C10orf90: variants seen among roughly 807,000 people sequenced by gnomAD.
C10orf90 encodes chromosome 10 open reading frame 90, also known as (E2-independent) E3 ubiquitin-conjugating enzyme FATS.
C10orf90 carries 56 observed loss-of-function variants against 62.5 expected under a neutral mutation model. That is an observed-to-expected ratio of 0.90 (90% CI 0.72 to 1.12). The LOEUF is 1.12. C10orf90 is among the 50% of genes most tolerant of loss of function. The probability of loss-of-function intolerance (pLI) is 0.00; values close to 1 mark genes in which losing one functional copy is unlikely to be tolerated. For missense variants in C10orf90, 970 were observed against 880.4 expected, an observed-to-expected ratio of 1.10 and a Z score of -1.29; for synonymous variants, 386 against 340.4, an observed-to-expected ratio of 1.13 and a Z score of -1.47.
chr10:126,628,249 A>C (rs1241790468), intron 2 of C10orf90, among the ~76,000 whole-genome samples: 1 of 152,178 alleles, frequency 6.6e-6, no homozygotes, highest in East Asian at 1.9e-4. Context: ...TGGGATCTCC[A>C]AATGTCCATT....
At chr10:126,609,359 C>T (rs907308974) in intron 2 of C10orf90, among the ~76,000 whole-genome samples, 16 of 152,114 alleles carry the variant, frequency 1.1e-4, no homozygotes, top group African/African-American at 2.9e-4. Flanking sequence ...GCCGAGATCG[C>T]GCCATTGCAC....
chr10:126,515,306 G>A (rs983149675), intron 2 of C10orf90, among the ~76,000 whole-genome samples: 1 of 152,090 alleles, frequency 6.6e-6, no homozygotes, highest in Non-Finnish European at 1.5e-5. Context: ...TACTGTCCTA[G>A]GCCTCCCCAT....
At chr10:126,566,570 C>T (rs764453356) in intron 2 of C10orf90, among the ~76,000 whole-genome samples, 16 of 152,208 alleles carry the variant, frequency 1.1e-4, no homozygotes, top group Middle Eastern at 6.8e-3. Flanking sequence ...AGGAAGCCAC[C>T]GGCAAAGAGA....
At chr10:126,466,761 G>T (rs12219409) in intron 4 of C10orf90, among the ~76,000 whole-genome samples, 26,721 of 152,178 alleles carry the variant, frequency 0.18, 2,483 homozygotes, top group African/African-American at 0.24. Context: ...GTACCTGCAG[G>T]CCCCAGTGTT....
chr10:126,494,674 A>G (rs1000778775), intron 4 of C10orf90, among the ~76,000 whole-genome samples: 2 of 152,224 alleles, frequency 1.3e-5, no homozygotes, highest in Non-Finnish European at 2.9e-5. Flanking sequence ...GTTTCACTCA[A>G]CTGAGGAAAT....
chr10:126,483,770 T>A (rs1861283372), intron 4 of C10orf90, among the ~76,000 whole-genome samples: 1 of 152,190 alleles, frequency 6.6e-6, no homozygotes, highest in South Asian at 2.1e-4. Flanking sequence ...CCTGAAATCT[T>A]TGGTGTGGAT....
At chr10:126,477,297 T>C (rs1033497689) in intron 4 of C10orf90, among the ~76,000 whole-genome samples, 1 of 148,594 alleles carries the variant, frequency 6.7e-6, no homozygotes, top group Non-Finnish European at 1.5e-5. Flanking sequence ...GAATATTCAA[T>C]ATTTTTAAAG....
intron 4 of C10orf90, among the ~76,000 whole-genome samples, chr10:126,484,088 G>C (rs1482227122): frequency 2.0e-5 from 3 of 152,042 alleles, no homozygotes; most frequent in African/African-American, 7.2e-5. Context: ...CTGTCTGTGT[G>C]CATCTTGGGG....
chr10:126,451,334 A>T (rs1343456188), intron 7 of C10orf90, among the ~76,000 whole-genome samples: 2 of 152,186 alleles, frequency 1.3e-5, no homozygotes, highest in Non-Finnish European at 2.9e-5. Context: ...GAATTTATCT[A>T]AAGGAAAAGA....
intron 3 of C10orf90, among the ~76,000 whole-genome samples, chr10:126,512,908 G>A (rs1231605679): frequency 6.6e-6 from 1 of 152,210 alleles, no homozygotes; most frequent in Non-Finnish European, 1.5e-5. Context: ...TGAAGGAAAT[G>A]TTGAGCTTTA....
chr10:126,581,777 A>G (rs185569376), intron 2 of C10orf90, among the ~76,000 whole-genome samples: 8 of 152,244 alleles, frequency 5.3e-5, no homozygotes, highest in Admixed American at 5.2e-4. Context: ...AAAAAAAACT[A>G]TGTTTCCCAG....
At chr10:126,564,700 C>A (rs866053025) in intron 2 of C10orf90, among the ~76,000 whole-genome samples, 1 of 145,614 alleles carries the variant, frequency 6.9e-6, no homozygotes, top group African/African-American at 2.6e-5. Flanking sequence ...TCTCTGCCTC[C>A]TACATATGTG....
chr10:126,620,285 A>G (rs2133814727), intron 2 of C10orf90, among the ~76,000 whole-genome samples: 1 of 152,296 alleles, frequency 6.6e-6, no homozygotes, highest in Admixed American at 6.5e-5. Context: ...AAACTTTTAT[A>G]CAAATTTCCA....
intron 4 of C10orf90, among the ~76,000 whole-genome samples, chr10:126,468,277 C>T (rs2058092838): frequency 6.6e-6 from 1 of 152,096 alleles, no homozygotes; most frequent in Admixed American, 6.5e-5. Context: ...CCATGTTGGC[C>T]AGGATGGTCT....
intron 8 of C10orf90, among the ~76,000 whole-genome samples, chr10:126,427,561 T>C (rs1173971622): frequency 6.6e-6 from 1 of 152,188 alleles, no homozygotes; most frequent in Non-Finnish European, 1.5e-5. Context: ...CCAGCGTGGC[T>C]GGAATAAAGC....
At chr10:126,634,977 C>T (rs1285453689) in intron 2 of C10orf90, among the ~76,000 whole-genome samples, 1 of 152,166 alleles carries the variant, frequency 6.6e-6, no homozygotes, top group Admixed American at 6.5e-5. Context: ...AAGGGAAGTC[C>T]CTGACCCCCA....
intron 1 of C10orf90, among the ~76,000 whole-genome samples, chr10:126,648,220 A>G (rs1377953597): frequency 1.3e-5 from 2 of 152,052 alleles, no homozygotes; most frequent in Non-Finnish European, 2.9e-5. Context: ...AGAAAGAACT[A>G]CAGATTGTAG....
At position 126,541,339 on chromosome 10, in the gene C10orf90, A is replaced by T. The variant is rs540761142; in HGVS notation, c.314-27400T>A. On this transcript the variant is annotated intron_variant, in intron 2 of 9. Coordinates refer to ENST00000488181, the MANE Select transcript of C10orf90 (RefSeq NM_001350921.2). ...TTAGCAATTGGATAAATAAAATTTTAAAAAACATTTAAAGAAAATAAATTA... is the reference window on the plus strand; with the variant it reads ...TTAGCAATTGGATAAATAAAATTTTTAAAAACATTTAAAGAAAATAAATTA... Among the ~76,000 whole-genome samples the T allele has an allele frequency of 8.2e-3, 1,248 of 152,232 alleles. 6 individuals carry two copies. The highest frequency in any genetic ancestry group is 0.015 in the African/African-American group (635 of 41,576).
chr10:126,436,924 A>G (rs138690997), intron 7 of C10orf90, among the ~76,000 whole-genome samples: 2 of 152,298 alleles, frequency 1.3e-5, no homozygotes, highest in Non-Finnish European at 2.9e-5. Context: ...TCAGCCTTCC[A>G]AAATGCTGGT....
Sources: allele counts gnomAD v4.1 joint callset (sites outside exome capture counted in the v4.1 genomes callset), GRCh38; gene constraint gnomAD v4.1.1; transcripts MANE v1.5; gene names NCBI Gene and HGNC (gene_info 2026-07-23, HGNC 2026-07-21).